The following WDR81 variants were observed in gnomAD, a reference collection of about 807,000 sequenced individuals.
The protein encoded by WDR81 is WD repeat domain 81.
In WDR81, 92 loss-of-function variants were observed where a neutral mutation model predicts 140.8. The observed-to-expected ratio is 0.65, with a 90% CI of 0.55 to 0.78. The LOEUF is 0.78. Ranked by LOEUF, WDR81 falls within the 30% of genes least tolerant of loss-of-function variation. The pLI, the probability that WDR81 is intolerant of heterozygous loss-of-function variation, is 0.00. For missense variants in WDR81, 2,502 were observed against 2,636.4 expected (o/e 0.95, Z 1.12); for synonymous variants, 1,183 against 1,156.4 (o/e 1.02, Z -0.47).
In WDR81 at chr17:1,727,631, G is replaced by C; in HGVS notation, c.2672G>C (p.Arg891Pro). The change falls in exon 1 of 10, where the codon CGT (arginine) becomes CCT (proline). Residue 891 changes from arginine (R) to proline (P), a missense_variant. This residue lies in a region of WDR81 where 1,737 missense variants were observed against 1,843.0 expected (regional missense o/e 0.94). Transcript: ENST00000409644. The part of the protein sequence containing the change: ...HRFILLYQAR[R>P]VEDEAQGREL... ...TTCATCCTCCTGTACCAGGCAAGGC[G>C]TGTGGAGGACGAGGCCCAGGGGCGC... is the stretch of plus-strand genomic sequence containing the variant. 2 of 1,550,568 alleles carry C rather than the reference G, an allele frequency of 1.3e-6. No individual in the cohort carries two copies. The highest frequency in any genetic ancestry group is 2.4e-5 in the East Asian group (1 of 40,928).
At chr17:1,730,656 C>T in intron 2 of WDR81, 99 bp from the exon 3 acceptor site, 1 of 1,461,566 alleles carries the variant, frequency 6.8e-7, no homozygotes, top group South Asian at 1.3e-5. Flanking sequence ...GGCTGGGCCC[C>T]CAGCTAGAGT....
rs1031624411 is a variant in WDR81, at chr17:1,732,741, C to A, written c.4399C>A (p.Pro1467Thr). 5.6e-6 allele frequency: 9 copies of A among 1,613,044 alleles called. No homozygotes were observed. Among genetic ancestry groups the A allele is most frequent in the Middle Eastern group, 1.6e-4 (1 of 6,062 alleles). ...GGTCTTCTCTGATGGGCAGCAGCGG[C>A]CCGTGGACCCCGCCCTGCTGGACGA... ...QVVFSDGQQRPVDPALLDELQ... is the reference protein window; with the variant it reads ...QVVFSDGQQRTVDPALLDELQ... The change falls in exon 6 of 10, where the codon CCC (proline) becomes ACC (threonine). Residue 1467 changes from proline to threonine, a missense_variant. Physicochemically the swap from Pro to Thr is conservative, Grantham distance 38. Coordinates refer to ENST00000409644, the MANE Select transcript of WDR81 (RefSeq NM_001163809.2).
At chr17:1,724,410 T>C (rs62090043), upstream of WDR81, 222,637 of 900,444 alleles carry the variant, frequency 0.25, 29,360 homozygotes, top group East Asian at 0.51. Context: ...GGTTGTGCGG[T>C]CCGCACTTAA....
intron 1 of WDR81, chr17:1,716,897 C>T: frequency 3.6e-6 from 2 of 563,360 alleles, no homozygotes; most frequent in Admixed American, 3.3e-5. Context: ...GTGCTCGCCT[C>T]GCCCAGCCCA....
At chr17:1,720,239 C>T (rs1914790665), upstream of WDR81, among the ~76,000 whole-genome samples, 1 of 152,120 alleles carries the variant, frequency 6.6e-6, no homozygotes, top group African/African-American at 2.4e-5. Flanking sequence ...TCCCGGAAAC[C>T]CAATACTGAG....
upstream of WDR81, among the ~76,000 whole-genome samples, chr17:1,723,686 C>T (rs1451975760): frequency 1.3e-5 from 2 of 151,768 alleles, no homozygotes; most frequent in Non-Finnish European, 2.9e-5. Flanking sequence ...GGGGTTTCAC[C>T]GTGTTAGCCA....
At position 1,726,078 on chromosome 17, in the gene WDR81, G is replaced by A; in HGVS notation, c.1119G>A (p.Arg373=). 1 of 1,547,772 alleles carries A rather than the reference G, an allele frequency of 6.5e-7. No individual in the cohort carries two copies. Among genetic ancestry groups the A allele is most frequent in the Non-Finnish European group, 8.7e-7 (1 of 1,145,068 alleles). Residue 373 remains arginine (R), a synonymous_variant, in exon 1 of 10, where the codon CGG becomes CGA. Transcript: ENST00000409644. Reference sequence around the variant, plus strand: ...AGCTGAATCGGTTGGCAGGTCGGCGGCAGGGGGACCCCAACTACCACCCCG... The same window carrying A: ...AGCTGAATCGGTTGGCAGGTCGGCGACAGGGGGACCCCAACTACCACCCCG... The part of the protein sequence containing the change: ...LMQLNRLAGR[R]QGDPNYHPVL...
At chr17:1,721,136 G>T (rs1567714571), upstream of WDR81, among the ~76,000 whole-genome samples, 1 of 152,256 alleles carries the variant, frequency 6.6e-6, no homozygotes, top group East Asian at 1.9e-4. Context: ...TCTGATTTCA[G>T]GTATTTATAT....
upstream of WDR81, among the ~76,000 whole-genome samples, chr17:1,722,339 T>TTC (rs1454973648): frequency 2.6e-5 from 4 of 151,338 alleles, no homozygotes; most frequent in African/African-American, 2.4e-5. Flanking sequence ...CATTCCTGTT[T>TTC]TCTCTCTCTT....
intron 1 of WDR81, among the ~76,000 whole-genome samples, chr17:1,718,117 T>G (rs1914680342): frequency 6.7e-6 from 1 of 149,998 alleles, no homozygotes; most frequent in South Asian, 2.1e-4. Flanking sequence ...CCTTATTTAT[T>G]TTTTTTTTTT....
chr17:1,724,430 T>A (rs1915067788), upstream of WDR81: 1 of 962,946 alleles, frequency 1.0e-6, no homozygotes. Flanking sequence ...ACTAAGAGGC[T>A]GGCATCTCTG....
chr17:1,728,458 G>T lies in WDR81; in HGVS notation c.3499G>T (p.Glu1167Ter). 6.2e-7 allele frequency: 1 copy of T among 1,610,866 alleles called. No individual in the cohort carries two copies. ...GGAGGACAGCTGCGTGGTGCTAGAG[G>T]AGGAGGAGGGGGAGCAGGAGGAGGT... ...EEEDSCVVLE[E>*]EEGEQEEVTG... Residue 1167 changes from glutamate to a stop codon, truncating the protein, a stop_gained, in exon 1 of 10, where the codon GAG (glutamate) becomes TAG (stop). Transcript: ENST00000409644. LOFTEE classifies it high-confidence loss of function.
At chr17:1,722,618 T>G (rs1367330408), upstream of WDR81, among the ~76,000 whole-genome samples, 1 of 151,824 alleles carries the variant, frequency 6.6e-6, no homozygotes, top group African/African-American at 2.4e-5. Flanking sequence ...AGTGCTGGGT[T>G]ACAGGCATGA....
intron 1 of WDR81, chr17:1,716,669 G>C: frequency 6.4e-7 from 1 of 1,550,798 alleles, no homozygotes; most frequent in African/African-American, 1.4e-5. Context: ...TCGGAATCCA[G>C]CCCGGGGAAG....
Position 1,725,856 on chromosome 17 carries a change from G to A in WDR81, c.897G>A (p.Leu299=). The change falls in exon 1 of 10, where the codon CTG becomes CTA. Residue 299 remains leucine (L), a synonymous_variant. Transcript: ENST00000409644. ...IAVDEKLCSE[L]RLDLSAYERP... ...TGGATGAGAAGCTTTGCAGCGAGCTGCGACTGGACCTGAGTGCTTATGAGA... is the reference window on the plus strand; with the variant it reads ...TGGATGAGAAGCTTTGCAGCGAGCTACGACTGGACCTGAGTGCTTATGAGA... 6.4e-7 allele frequency: 1 copy of A among 1,550,742 alleles called. No homozygotes were observed. Among genetic ancestry groups the A allele is most frequent in the Non-Finnish European group, 8.7e-7 (1 of 1,146,876 alleles).
chr17:1,721,305 G>C (rs1286074546), upstream of WDR81, among the ~76,000 whole-genome samples: 1 of 152,046 alleles, frequency 6.6e-6, no homozygotes, highest in Non-Finnish European at 1.5e-5. Context: ...GTTGTGGTGA[G>C]TCAAGATGGT....
intron 9 of WDR81, 100 bp downstream of exon 9, chr17:1,736,318 G>T (rs1347544122): frequency 1.4e-6 from 2 of 1,397,048 alleles, no homozygotes; most frequent in East Asian, 4.9e-5. Context: ...GGCTCGAACT[G>T]GTCTGTCTTA....
At chr17:1,717,371 G>A (rs1914631475) in intron 1 of WDR81, among the ~76,000 whole-genome samples, 1 of 152,200 alleles carries the variant, frequency 6.6e-6, no homozygotes, top group South Asian at 2.1e-4. Flanking sequence ...CCCCAAAGAG[G>A]AACATGTGGA....
At chr17:1,733,411 C>A in intron 6 of WDR81, 116 bp from the exon 7 acceptor site, 1 of 1,039,846 alleles carries the variant, frequency 9.6e-7, no homozygotes, top group Non-Finnish European at 1.4e-6. Context: ...GAGTTACTTG[C>A]CCAGAGTTGC....
Sources: gnomAD v4.1 joint callset for allele counts (sites outside exome capture counted in the v4.1 genomes callset) on GRCh38, gnomAD v4.1.1 for gene constraint, gnomAD v4.1.1 regional missense constraint, MANE v1.5 for transcripts, NCBI Gene and HGNC (gene_info 2026-07-23, HGNC 2026-07-21) for gene names.